The following PKHD1 variants were observed in gnomAD, a reference collection of about 807,000 sequenced individuals.
The protein encoded by PKHD1 is fibrocystin.
Under a neutral mutation model 412.0 loss-of-function variants are expected in PKHD1, and 291 were observed. That is an observed-to-expected ratio of 0.71 (90% confidence interval 0.64 to 0.78). The LOEUF is 0.78. PKHD1 is among the 30% of genes least tolerant of loss of function. The pLI, the probability that PKHD1 is intolerant of heterozygous loss-of-function variation, is 0.00. For synonymous variants in PKHD1, 1,777 were observed against 1,821.5 expected (o/e 0.98, Z 0.62); for missense variants, 4,825 against 4,950.7 (o/e 0.97, Z 0.76).
rs937530610 is a variant in PKHD1 at position 51,817,897 on chromosome 6, G to A, written c.8302+12964C>T. 6.6e-5 allele frequency among the ~76,000 whole-genome samples: 10 copies of A among 152,146 alleles called. No individual in the cohort carries two copies. The East Asian group carries it at 7.7e-4, about 12-fold the overall frequency. On this transcript the variant is annotated intron_variant, in intron 52 of 66. Transcript: ENST00000371117. Reference sequence around the variant, plus strand: ...AGAGTGCAGAACATTCACCACCTCCGTGCGTGGGCTATACAGACACCATCT... The same window carrying A: ...AGAGTGCAGAACATTCACCACCTCCATGCGTGGGCTATACAGACACCATCT...
chr6:52,015,348 C>T (rs1309377548), intron 34 of PKHD1, among the ~76,000 whole-genome samples: 2 of 152,162 alleles, frequency 1.3e-5, no homozygotes, highest in African/African-American at 4.8e-5. Flanking sequence ...AGAGAAATTG[C>T]TGGGTCACAG....
At chr6:51,727,001 C>T (rs780927441) in intron 60 of PKHD1, among the ~76,000 whole-genome samples, 7 of 151,988 alleles carry the variant, frequency 4.6e-5, no homozygotes, top group African/African-American at 9.7e-5. Flanking sequence ...AAGGAGAAGG[C>T]GGGAGAGATT....
chr6:51,887,856 G>A (rs1430835102), intron 43 of PKHD1, among the ~76,000 whole-genome samples: 1 of 152,144 alleles, frequency 6.6e-6, no homozygotes, highest in African/African-American at 2.4e-5. Context: ...TAAAAATATT[G>A]TCATTCTTCT....
At chr6:51,908,297 G>T (rs1479848609) in intron 40 of PKHD1, among the ~76,000 whole-genome samples, 1 of 152,136 alleles carries the variant, frequency 6.6e-6, no homozygotes, top group African/African-American at 2.4e-5. Flanking sequence ...TGCCCTCAAT[G>T]ACCTGAAGGA....
At chr6:52,031,601 G>A (rs893368069) in intron 29 of PKHD1, among the ~76,000 whole-genome samples, 14 of 152,202 alleles carry the variant, frequency 9.2e-5, no homozygotes, top group African/African-American at 3.4e-4. Flanking sequence ...CCTGACTGCA[G>A]AAACCAACAC....
chr6:51,669,383 G>A (rs527495380), intron 60 of PKHD1, among the ~76,000 whole-genome samples: 4,079 of 152,024 alleles, frequency 0.027, 81 homozygotes, highest in Non-Finnish European at 0.043. Context: ...CTGTGGGATC[G>A]GTGGTGATAT....
chr6:52,024,537 C>T, intron 32 of PKHD1, 37 bp downstream of exon 32: 2 of 1,583,432 alleles, frequency 1.3e-6, no homozygotes, highest in Non-Finnish European at 1.7e-6. Flanking sequence ...AATTCATTTA[C>T]ATAAAGAAAG....
intron 36 of PKHD1, among the ~76,000 whole-genome samples, chr6:51,954,231 G>A (rs188427761): frequency 6.6e-5 from 10 of 152,108 alleles, no homozygotes; most frequent in African/African-American, 9.6e-5. Flanking sequence ...ACATCCATAC[G>A]AGACAGGCAA....
Position 51,816,150 on chromosome 6 carries a change from G to A in PKHD1, c.8302+14711C>T, listed in dbSNP as rs1450988490. Among the ~76,000 whole-genome samples the A allele has an allele frequency of 4.6e-5, 7 of 151,896 alleles. No individual in the cohort carries two copies. The South Asian group carries it at 6.3e-4, about 14-fold the overall frequency. Reference sequence around the variant, plus strand: ...AAATTGCTAATTACACATATGTAGTGCAATACTAATGTAATAAATATTATC... The same window carrying A: ...AAATTGCTAATTACACATATGTAGTACAATACTAATGTAATAAATATTATC... On this transcript the variant is annotated intron_variant, in intron 52 of 66. Coordinates refer to ENST00000371117, the MANE Select transcript of PKHD1 (RefSeq NM_138694.4).
intron 29 of PKHD1, among the ~76,000 whole-genome samples, chr6:52,032,362 A>T (rs1344776186): frequency 6.6e-6 from 1 of 152,214 alleles, no homozygotes; most frequent in Admixed American, 6.5e-5. Flanking sequence ...ATGATAATAA[A>T]TTATTATAAT....
At position 51,868,067 on chromosome 6, in the gene PKHD1, G is replaced by T. The variant is rs1775373904; in HGVS notation, c.7529C>A (p.Ser2510Tyr). 6.2e-7 allele frequency: 1 copy of T among 1,611,664 alleles called. No individual in the cohort carries two copies. The highest frequency in any genetic ancestry group is 8.5e-7 in the Non-Finnish European group (1 of 1,177,978). ...AAATGGAAATGCCACTAAGTTTGAA[G>T]AGTTTGTAAACTTCAACTGGCTGGT... is the stretch of plus-strand genomic sequence containing the variant. ...VKTSQLKFTN[S>Y]SNLVAFPFPH... Residue 2510 changes from serine to tyrosine, a missense_variant, in exon 48 of 67, where the codon TCT becomes TAT. Ser to Tyr is a moderately radical substitution (Grantham distance 144). Coordinates refer to ENST00000371117, the MANE Select transcript of PKHD1 (RefSeq NM_138694.4).
At chr6:51,982,892 A>AAAAT (rs377667308) in intron 35 of PKHD1, among the ~76,000 whole-genome samples, 51 of 140,492 alleles carry the variant, frequency 3.6e-4, no homozygotes, top group East Asian at 1.6e-3. Context: ...AAATAAAATA[A>AAAAT]AAAAAAGAGA....
rs371899401 is a variant in PKHD1 at position 51,682,599 on chromosome 6, C to T, written c.10157-22630G>A. Among the ~76,000 whole-genome samples, 39 of 152,140 alleles carry T rather than the reference C, an allele frequency of 2.6e-4. No individual in the cohort carries two copies. The South Asian group carries it at 7.9e-3, about 31-fold the overall frequency. On this transcript the variant is annotated intron_variant, in intron 60 of 66. Transcript: ENST00000371117. ...GCTCTGCTTGCTCATTTTGCTATGT[C>T]CAGGTCTTCTCCTTTGGAGGAAAAA...
intron 66 of PKHD1, among the ~76,000 whole-genome samples, chr6:51,620,223 CA>C (rs772020216): frequency 2.6e-5 from 4 of 152,138 alleles, no homozygotes; most frequent in Non-Finnish European, 5.9e-5. Context: ...TTTATTTTAA[CA>C]ATGTTGTTTT....
At chr6:51,954,938 C>G (rs992899036) in intron 36 of PKHD1, among the ~76,000 whole-genome samples, 1 of 152,014 alleles carries the variant, frequency 6.6e-6, no homozygotes, top group Non-Finnish European at 1.5e-5. Flanking sequence ...AGACCACAAC[C>G]CAAGATCCTT....
chr6:51,791,737 T>C (rs1284120986), intron 52 of PKHD1, among the ~76,000 whole-genome samples: 1 of 152,172 alleles, frequency 6.6e-6, no homozygotes, highest in Non-Finnish European at 1.5e-5. Flanking sequence ...ACAGTAGACA[T>C]GACATTGGCC....
intron 65 of PKHD1, among the ~76,000 whole-genome samples, chr6:51,629,578 C>G (rs766411180): frequency 2.0e-5 from 3 of 151,194 alleles, no homozygotes; most frequent in Non-Finnish European, 4.4e-5. Flanking sequence ...TAAAACAAAA[C>G]AAAACAAAAA....
intron 65 of PKHD1, among the ~76,000 whole-genome samples, chr6:51,630,306 T>C (rs947914257): frequency 6.6e-6 from 1 of 152,182 alleles, no homozygotes; most frequent in South Asian, 2.1e-4. Context: ...GTTTTCTTCA[T>C]ATACTTCAGC....
chr6:51,831,572 C>T (rs977677972), intron 51 of PKHD1, among the ~76,000 whole-genome samples: 11 of 152,106 alleles, frequency 7.2e-5, no homozygotes, highest in Non-Finnish European at 2.9e-5. Flanking sequence ...GTAAATAATG[C>T]AGTGTTAACT....
Sources: allele counts gnomAD v4.1 joint callset (sites outside exome capture counted in the v4.1 genomes callset), GRCh38; gene constraint gnomAD v4.1.1; transcripts MANE v1.5; gene names NCBI Gene and HGNC (gene_info 2026-07-23, HGNC 2026-07-21).